HDLBP: variants seen among roughly 807,000 people sequenced by gnomAD.
The protein encoded by HDLBP is high density lipoprotein binding protein.
A neutral mutation model predicts 137.3 loss-of-function variants in HDLBP; 30 were observed. The ratio of observed to expected loss-of-function variants is 0.22; its 90% confidence interval spans 0.16 to 0.30. The LOEUF (loss-of-function observed/expected upper bound fraction) is 0.30. Ranked by LOEUF, HDLBP falls within the 10% of genes least tolerant of loss-of-function variation. HDLBP has a pLI of 1.00. For synonymous variants in HDLBP, 606 were observed against 596.0 expected (o/e 1.02, Z -0.24); for missense variants, 1,119 against 1,667.3 (o/e 0.67, Z 5.73).
rs1328665126 is a variant in HDLBP at position 241,252,850 on chromosome 2, G to C, written c.1372+107C>G. Reference sequence around the variant, plus strand: ...AAGTCTGTAACTCCCATTACAGGCAGCAATGGGCCTGGACTGTCTGCACGG... The same window carrying C: ...AAGTCTGTAACTCCCATTACAGGCACCAATGGGCCTGGACTGTCTGCACGG... On this transcript the variant is annotated intron_variant, in intron 11 of 27. Transcript: ENST00000310931. 1.6e-5 allele frequency: 11 copies of C among 670,780 alleles called. No homozygotes were observed. In the Admixed American group the frequency reaches 2.4e-4, roughly 15 times the overall value. 41.6% of individuals were successfully genotyped at this position (670,780 alleles called of 1,614,324 possible). A position where few individuals can be genotyped will look rare whatever the true frequency, so the allele number is the denominator to read the frequency against.
chr2:241,280,056 T>A, intron 1 of HDLBP: 1 of 985,372 alleles, frequency 1.0e-6, no homozygotes, highest in African/African-American at 1.7e-5. Flanking sequence ...CGCCCACCAC[T>A]TCCTTGGCAG....
chr2:241,267,577 C>A, intron 2 of HDLBP: 4 of 1,535,632 alleles, frequency 2.6e-6, no homozygotes, highest in Non-Finnish European at 3.5e-6. Flanking sequence ...TCACCACACA[C>A]CTCTTAATGC....
rs1445100658 is a variant in HDLBP, at chr2:241,272,838, CGGCGCCCG to C, written c.-102-4305_-102-4298del. ...GGAGAAGCCGGGACGCTCCGAGGCG[CGGCGCCCG>C]GGCCCCGGCTGCTATATAGGGCGGC... On this transcript the variant is annotated intron_variant, in intron 1 of 27. Transcript: ENST00000310931. The surrounding 1 kb of genome is among the most constrained non-coding windows in gnomAD (Gnocchi z 5.6). The C allele has an allele frequency of 3.5e-6, 1 of 285,274 alleles. No individual in the cohort carries two copies. The highest frequency in any genetic ancestry group is 2.3e-5 in the African/African-American group (1 of 43,742). 17.7% of individuals were successfully genotyped at this position (285,274 alleles called of 1,614,324 possible). A position where few individuals can be genotyped will look rare whatever the true frequency, so the allele number is the denominator to read the frequency against.
rs905265041 is a variant in HDLBP at position 241,272,722 on chromosome 2, C to G, written c.-102-4181G>C. ...CGGCAGCCCGCCCGCCCCGTCCGCC[C>G]GCCCGCCCAGGCCTCCCAGCCCCGT... On this transcript the variant is annotated intron_variant, in intron 1 of 27. Transcript: ENST00000310931. The surrounding 1 kb of genome is among the most constrained non-coding windows in gnomAD (Gnocchi z 5.6). 6.6e-5 allele frequency: 36 copies of G among 542,076 alleles called. No individual in the cohort carries two copies. Among genetic ancestry groups the G allele is most frequent in the Non-Finnish European group, 7.9e-5 (34 of 428,968 alleles). The allele number at this position is 542,076 out of a possible 1,614,324, so 33.6% of individuals were successfully genotyped here. A position where few individuals can be genotyped will look rare whatever the true frequency, so the allele number is the denominator to read the frequency against.
chr2:241,298,045 C>CAAAAAA (rs71049568), intron 1 of HDLBP, among the ~76,000 whole-genome samples: 1 of 23,404 alleles, frequency 4.3e-5, no homozygotes, highest in African/African-American at 2.6e-4. Flanking sequence ...GACCCTGTCT[C>CAAAAAA]AAAAAAAAAA....
At chr2:241,250,242 AC>A in intron 11 of HDLBP, 1 of 326,228 alleles carries the variant, frequency 3.1e-6, no homozygotes, top group Non-Finnish European at 5.6e-6. Context: ...CCTTCAAATA[AC>A]TGACGGTTGG....
In HDLBP at chr2:241,229,814, G is replaced by T. The variant is rs1387673694; in HGVS notation, c.3720+19C>A. On this transcript the variant is annotated intron_variant, in intron 27 of 27. Transcript: ENST00000310931. ...CCCACCCTCCCTGGGACCCAGGAGG[G>T]CAGAAGCCCGCATCTGACCTTCTCA... 6.4e-7 allele frequency: 1 copy of T among 1,564,270 alleles called. No homozygotes were observed. The highest frequency in any genetic ancestry group is 8.7e-7 in the Non-Finnish European group (1 of 1,154,320).
At position 241,235,103 on chromosome 2, in the gene HDLBP, C is replaced by T. The variant is rs763118168; in HGVS notation, c.3144+18G>A. The T allele has an allele frequency of 1.4e-5, 22 of 1,609,960 alleles. No homozygotes were observed. The highest frequency in any genetic ancestry group is 1.2e-4 in the Admixed American group (7 of 59,990). On this transcript the variant is annotated intron_variant, in intron 23 of 27. Coordinates refer to ENST00000310931, the MANE Select transcript of HDLBP (RefSeq NM_005336.6). ...AGCACCATGGCTCTGGGCAGTGCCC[C>T]GGCCACCTCCTGCTCACCCGGTCCT... is the stretch of plus-strand genomic sequence containing the variant.
Position 241,230,170 on chromosome 2 carries a change from T to C in HDLBP, c.3574A>G (p.Asn1192Asp). 6.2e-7 allele frequency: 1 copy of C among 1,612,232 alleles called. No homozygotes were observed. Among genetic ancestry groups the C allele is most frequent in the Non-Finnish European group, 8.5e-7 (1 of 1,178,436 alleles). Residue 1192 changes from asparagine (N) to aspartate (D), a missense_variant, in exon 26 of 28, where the codon AAT (asparagine) becomes GAT (aspartate). Around this residue, in one of 4 missense-constraint regions of HDLBP, gnomAD observed 618 missense variants for 816.7 expected, o/e 0.76. Coordinates refer to ENST00000310931, the MANE Select transcript of HDLBP (RefSeq NM_005336.6). This position sits in a 1 kb window ranked among gnomAD's most constrained non-coding sequence, Gnocchi z 5.0. Reference sequence around the variant, plus strand: ...AGACTCACGTATTCCTCCTCCAGATTGAGGATGTGGTCGATGGCTTCCTCC... The same window carrying C: ...AGACTCACGTATTCCTCCTCCAGATCGAGGATGTGGTCGATGGCTTCCTCC... ...NVEEAIDHIL[N>D]LEEEYLADVV... is the part of the protein sequence containing the mutation.
intron 16 of HDLBP, among the ~76,000 whole-genome samples, chr2:241,244,665 G>A (rs1401590500): frequency 1.3e-5 from 2 of 152,224 alleles, no homozygotes; most frequent in Non-Finnish European, 2.9e-5. Flanking sequence ...TACACACTAC[G>A]AGAGATGTTG....
chr2:241,303,481 A>T (rs2075460745), intron 1 of HDLBP, among the ~76,000 whole-genome samples: 2 of 152,234 alleles, frequency 1.3e-5, no homozygotes, highest in Non-Finnish European at 1.5e-5. Flanking sequence ...TACACAACAC[A>T]GCTGTATACA....
chr2:241,299,141 C>T (rs542443098), intron 1 of HDLBP, among the ~76,000 whole-genome samples: 3 of 152,266 alleles, frequency 2.0e-5, no homozygotes, highest in East Asian at 1.9e-4. Flanking sequence ...AAGAGCTGTA[C>T]GGTACCCGTA....
Position 241,297,532 on chromosome 2 carries a change from A to G in HDLBP, c.-103+18038T>C, listed in dbSNP as rs530400598. Among the ~76,000 whole-genome samples, 212 of 152,320 alleles carry G rather than the reference A, an allele frequency of 1.4e-3. 2 individuals are homozygous for G. The highest frequency in any genetic ancestry group is 4.9e-3 in the African/African-American group (205 of 41,560). ...GCATGTAGCTGTAGGTATGTTTTGT[A>G]TATGTATGTATACACATACTCTGTT... On this transcript the variant is annotated intron_variant, in intron 1 of 27. Transcript: ENST00000310931.
intron 1 of HDLBP, among the ~76,000 whole-genome samples, chr2:241,310,743 C>T (rs776019335): frequency 4.6e-5 from 7 of 152,134 alleles, no homozygotes; most frequent in Non-Finnish European, 1.5e-5. Context: ...TGCAAATAAA[C>T]AGGACCAAAG....
chr2:241,253,269 C>T (rs2072344329), intron 10 of HDLBP, 124 bp downstream of exon 10: 1 of 776,114 alleles, frequency 1.3e-6, no homozygotes, highest in East Asian at 2.4e-5. Flanking sequence ...TATTACTCAC[C>T]CAGCTAGGAT....
intron 1 of HDLBP, among the ~76,000 whole-genome samples, chr2:241,297,470 A>C (rs1163015160): frequency 6.6e-6 from 1 of 152,182 alleles, no homozygotes; most frequent in African/African-American, 2.4e-5. Context: ...CAATACATGG[A>C]GATATTAAAA....
chr2:241,274,231 A>G (rs2149593832), intron 1 of HDLBP, among the ~76,000 whole-genome samples: 1 of 152,260 alleles, frequency 6.6e-6, no homozygotes, highest in Non-Finnish European at 1.5e-5. Flanking sequence ...GAGCCAGCAG[A>G]AATACCATGC....
At chr2:241,243,328 C>A (rs1335588027) in intron 16 of HDLBP, among the ~76,000 whole-genome samples, 2 of 152,234 alleles carry the variant, frequency 1.3e-5, no homozygotes, top group Non-Finnish European at 2.9e-5. Flanking sequence ...AGAAATCACC[C>A]TGGGCCTGGG....
chr2:241,314,899 G>A (rs1294143233), intron 1 of HDLBP, among the ~76,000 whole-genome samples: 1 of 152,146 alleles, frequency 6.6e-6, no homozygotes, highest in African/African-American at 2.4e-5. Context: ...GGGTATTTGC[G>A]CCAAGCCTTG....
Sources: gnomAD v4.1 joint callset for allele counts (sites outside exome capture counted in the v4.1 genomes callset) on GRCh38, gnomAD v4.1.1 for gene constraint, gnomAD v4.1.1 regional missense constraint, Gnocchi (gnomAD v3.1) non-coding constraint, MANE v1.5 for transcripts, NCBI Gene and HGNC (gene_info 2026-07-23, HGNC 2026-07-21) for gene names.